ZRANB3: variants seen among roughly 807,000 people sequenced by gnomAD.
ZRANB3 encodes zinc finger RANBP2-type containing 3, also known as DNA annealing helicase and endonuclease ZRANB3.
Under a neutral mutation model 133.8 loss-of-function variants are expected in ZRANB3, and 125 were observed. The ratio of observed to expected loss-of-function variants is 0.93; its 90% CI spans 0.81 to 1.08. The LOEUF is 1.08. Among genes scored for constraint, ZRANB3 ranks in the 50% least tolerant of loss-of-function variants. ZRANB3 has a pLI of 0.00. For synonymous variants in ZRANB3, 387 were observed against 432.7 expected, an observed-to-expected ratio of 0.89 and a Z score of 1.31; for missense variants, 1,229 against 1,275.5, an observed-to-expected ratio of 0.96 and a Z score of 0.56.
chr2:135,528,864 G>GATTT (rs1553510757), intron 1 of ZRANB3, among the ~76,000 whole-genome samples: 2 of 151,992 alleles, frequency 1.3e-5, no homozygotes, highest in African/African-American at 4.8e-5. Flanking sequence ...ATTGGACACA[G>GATTT]ATTAGTGCTT....
chr2:135,458,100 G>A (rs955071087), intron 2 of ZRANB3, among the ~76,000 whole-genome samples: 9 of 151,950 alleles, frequency 5.9e-5, no homozygotes, highest in East Asian at 1.9e-4. Context: ...TTTATACTTC[G>A]TACTTTTGTA....
chr2:135,256,542 G>T (rs1013836963), intron 12 of ZRANB3, among the ~76,000 whole-genome samples: 5 of 152,136 alleles, frequency 3.3e-5, no homozygotes, highest in Non-Finnish European at 7.4e-5. Context: ...TGGTCAGGCT[G>T]GCCTCGAACT....
intron 2 of ZRANB3, among the ~76,000 whole-genome samples, chr2:135,488,610 T>A (rs1224209877): frequency 6.6e-6 from 1 of 151,762 alleles, no homozygotes; most frequent in African/African-American, 2.4e-5. Context: ...AAGCACAATT[T>A]GTAAAAACCA....
chr2:135,269,996 T>C (rs1298273621), intron 10 of ZRANB3, among the ~76,000 whole-genome samples: 1 of 152,208 alleles, frequency 6.6e-6, no homozygotes, highest in Non-Finnish European at 1.5e-5. Flanking sequence ...TATGCTATTA[T>C]TTTGATATGT....
At chr2:135,406,343 C>CA (rs1052581403) in intron 2 of ZRANB3, among the ~76,000 whole-genome samples, 3 of 151,872 alleles carry the variant, frequency 2.0e-5, no homozygotes, top group African/African-American at 4.8e-5. Context: ...GTTTACCAAC[C>CA]AAAAAAAGCC....
chr2:135,413,602 C>T (rs1020773135), intron 2 of ZRANB3, among the ~76,000 whole-genome samples: 2 of 152,128 alleles, frequency 1.3e-5, no homozygotes, highest in Non-Finnish European at 2.9e-5. Flanking sequence ...ACACATGAGA[C>T]TAGGAAACTG....
intron 8 of ZRANB3, among the ~76,000 whole-genome samples, chr2:135,285,004 C>G (rs1472109099): frequency 6.6e-6 from 1 of 151,934 alleles, no homozygotes; most frequent in African/African-American, 2.4e-5. Context: ...CAACACCACG[C>G]CTGGCTAATT....
chr2:135,347,294 C>CT (rs371254079), intron 5 of ZRANB3, among the ~76,000 whole-genome samples: 66,800 of 137,254 alleles, frequency 0.49, 20,513 homozygotes, highest in African/African-American at 0.81. Context: ...TTTCAGTTCT[C>CT]TTTTTTTTTT....
chr2:135,387,428 A>G (rs1558961920), intron 3 of ZRANB3, among the ~76,000 whole-genome samples: 1 of 152,202 alleles, frequency 6.6e-6, no homozygotes, highest in Non-Finnish European at 1.5e-5. Context: ...AGCACATTTA[A>G]TTTATTAACT....
chr2:135,466,167 G>T, intron 2 of ZRANB3, among the ~76,000 whole-genome samples: 1 of 152,130 alleles, frequency 6.6e-6, no homozygotes. Flanking sequence ...CAGATCACCT[G>T]AGGTCAGGAG....
intron 15 of ZRANB3, among the ~76,000 whole-genome samples, chr2:135,223,629 T>A (rs1694641361): frequency 6.6e-6 from 1 of 152,130 alleles, no homozygotes; most frequent in South Asian, 2.1e-4. Flanking sequence ...CACCCAGCCA[T>A]AAATGAGTAT....
chr2:135,284,760 C>T (rs1681269213), intron 8 of ZRANB3, among the ~76,000 whole-genome samples: 1 of 152,102 alleles, frequency 6.6e-6, no homozygotes, highest in Non-Finnish European at 1.5e-5. Flanking sequence ...CGTGAGCCGC[C>T]GCACCCGGCC....
At chr2:135,428,776 T>C (rs1442220359) in intron 2 of ZRANB3, among the ~76,000 whole-genome samples, 1 of 152,188 alleles carries the variant, frequency 6.6e-6, no homozygotes, top group Non-Finnish European at 1.5e-5. Context: ...AATAAGCATA[T>C]GCAAAAATCC....
At chr2:135,483,988 A>C (rs1383281641) in intron 2 of ZRANB3, among the ~76,000 whole-genome samples, 2 of 152,016 alleles carry the variant, frequency 1.3e-5, no homozygotes, top group African/African-American at 4.8e-5. Context: ...AGTTTGTTAT[A>C]ATTTCTGTTC....
chr2:135,521,628 C>A (rs919960901), intron 1 of ZRANB3, among the ~76,000 whole-genome samples: 5 of 152,136 alleles, frequency 3.3e-5, no homozygotes, highest in Non-Finnish European at 5.9e-5. Context: ...AGCCTCACAT[C>A]CAAGCCCAGG....
intron 2 of ZRANB3, among the ~76,000 whole-genome samples, chr2:135,437,547 C>A (rs1689603486): frequency 6.6e-6 from 1 of 152,116 alleles, no homozygotes; most frequent in South Asian, 2.1e-4. Context: ...AGGAATGTTC[C>A]ATTTGTGAGC....
chr2:135,389,480 G>T lies in ZRANB3; in HGVS notation c.180+1322C>A, dbSNP rs373728608. 1.8e-4 allele frequency among the ~76,000 whole-genome samples: 27 copies of T among 152,308 alleles called. No individual in the cohort carries two copies. The East Asian group carries it at 3.7e-3, about 21-fold the overall frequency. ...CCAGGACTTTGGGAGGCTGAGGCGGGTGGATCACGAGGTCAAGAGACGGAA... is the reference window on the plus strand; with the variant it reads ...CCAGGACTTTGGGAGGCTGAGGCGGTTGGATCACGAGGTCAAGAGACGGAA... On this transcript the variant is annotated intron_variant, in intron 3 of 20. Transcript: ENST00000264159.
intron 2 of ZRANB3, among the ~76,000 whole-genome samples, chr2:135,429,932 C>T (rs1244469691): frequency 2.0e-5 from 3 of 152,134 alleles, no homozygotes; most frequent in Non-Finnish European, 2.9e-5. Context: ...TCTATAATCC[C>T]AGCACTTTGA....
chr2:135,502,794 T>C (rs1342285437), intron 2 of ZRANB3, among the ~76,000 whole-genome samples: 3 of 152,176 alleles, frequency 2.0e-5, no homozygotes, highest in Non-Finnish European at 4.4e-5. Context: ...ATAAAAGCAA[T>C]GGAAATCTAC....
Sources: allele counts gnomAD v4.1 joint callset (sites outside exome capture counted in the v4.1 genomes callset), GRCh38; gene constraint gnomAD v4.1.1; transcripts MANE v1.5; gene names NCBI Gene and HGNC (gene_info 2026-07-23, HGNC 2026-07-21).